The following TXNDC11 variants were observed in gnomAD, a reference collection of about 807,000 sequenced individuals.
TXNDC11 encodes the protein thioredoxin domain-containing protein 11.
TXNDC11 carries 68 observed loss-of-function variants against 78.0 expected under a neutral mutation model. That is an observed-to-expected ratio of 0.87 (90% confidence interval 0.72 to 1.07). The LOEUF (loss-of-function observed/expected upper bound fraction) is 1.07, where lower values mean the gene tolerates loss of function less well. Among genes scored for constraint, TXNDC11 ranks in the 50% least tolerant of loss-of-function variants. The pLI is 0.00. For synonymous variants in TXNDC11, 571 were observed against 495.2 expected (o/e 1.15, Z -2.03); for missense variants, 1,389 against 1,221.8 (o/e 1.14, Z -2.04).
At chr16:11,729,297 C>T (rs368436768) in intron 4 of TXNDC11, among the ~76,000 whole-genome samples, 204 of 152,312 alleles carry the variant, frequency 1.3e-3, no homozygotes, top group African/African-American at 4.6e-3. Context: ...CCCTCACCCA[C>T]CAGCCTGCCC....
chr16:11,700,852 T>C (rs2050993855), intron 5 of TXNDC11, among the ~76,000 whole-genome samples: 4 of 152,198 alleles, frequency 2.6e-5, no homozygotes, highest in East Asian at 1.9e-4. Context: ...CCTGTCCCCA[T>C]TGATGACAGG....
intron 11 of TXNDC11, 130 bp downstream of exon 11, chr16:11,684,035 G>C (rs1052453539): frequency 3.3e-6 from 2 of 611,816 alleles, no homozygotes; most frequent in Non-Finnish European, 5.9e-6. Context: ...ACAGGCATGA[G>C]CCACCACGCC....
At chr16:11,707,039 T>C (rs947089216) in intron 5 of TXNDC11, among the ~76,000 whole-genome samples, 4 of 152,186 alleles carry the variant, frequency 2.6e-5, no homozygotes, top group Non-Finnish European at 5.9e-5. Flanking sequence ...TCTGGTATAT[T>C]TGGGGATCCT....
At chr16:11,703,323 G>A (rs1361836246) in intron 5 of TXNDC11, among the ~76,000 whole-genome samples, 1 of 152,140 alleles carries the variant, frequency 6.6e-6, no homozygotes, top group Non-Finnish European at 1.5e-5. Context: ...TCTTAAAGAG[G>A]TATAAGTTAG....
chr16:11,739,477 G>A (rs1359604876), intron 1 of TXNDC11, among the ~76,000 whole-genome samples: 2 of 152,150 alleles, frequency 1.3e-5, no homozygotes, highest in Non-Finnish European at 2.9e-5. Context: ...GCTGCAGCAT[G>A]CCATAATTGC....
At chr16:11,713,265 A>C (rs1219098216) in intron 5 of TXNDC11, among the ~76,000 whole-genome samples, 1 of 148,110 alleles carries the variant, frequency 6.8e-6, no homozygotes, top group African/African-American at 2.5e-5. Flanking sequence ...CTGGGCACAG[A>C]GTGAGACTCT....
chr16:11,705,930 G>A (rs892623043), intron 5 of TXNDC11, among the ~76,000 whole-genome samples: 9 of 152,026 alleles, frequency 5.9e-5, no homozygotes, highest in African/African-American at 9.7e-5. Flanking sequence ...AGAGCTCCAG[G>A]GCTTTCTACG....
chr16:11,738,185 TAA>T (rs1421871491), intron 1 of TXNDC11, among the ~76,000 whole-genome samples: 7 of 152,196 alleles, frequency 4.6e-5, no homozygotes, highest in Non-Finnish European at 8.8e-5. Flanking sequence ...AAAAAAGTGC[TAA>T]AGAGTACATG....
intron 5 of TXNDC11, among the ~76,000 whole-genome samples, chr16:11,713,712 G>A (rs566045293): frequency 3.3e-5 from 5 of 152,152 alleles, no homozygotes; most frequent in Non-Finnish European, 7.4e-5. Flanking sequence ...CACAGCGCCC[G>A]GCCCAAAGTA....
At chr16:11,696,556 A>G (rs1467698133) in intron 7 of TXNDC11, among the ~76,000 whole-genome samples, 1 of 152,214 alleles carries the variant, frequency 6.6e-6, no homozygotes, top group African/African-American at 2.4e-5. Context: ...ACAAAAAGGG[A>G]AATGTGCTGG....
intron 11 of TXNDC11, among the ~76,000 whole-genome samples, chr16:11,681,828 C>T (rs1039744273): frequency 4.6e-5 from 7 of 152,258 alleles, no homozygotes; most frequent in Non-Finnish European, 1.0e-4. Flanking sequence ...CTCAAGGCCC[C>T]ACCCCTTCCT....
At chr16:11,685,011 G>A (rs1018126102) in intron 10 of TXNDC11, among the ~76,000 whole-genome samples, 1 of 152,258 alleles carries the variant, frequency 6.6e-6, no homozygotes, top group Non-Finnish European at 1.5e-5. Context: ...ACTGGGGGGA[G>A]TGAGGGTGCG....
Position 11,742,497 on chromosome 16 carries a change from G to A in TXNDC11, c.234C>T (p.Leu78=), listed in dbSNP as rs186538335. Residue 78 remains leucine, a synonymous_variant, in exon 1 of 12, where the codon CTC becomes CTT. Transcript: ENST00000283033. ...CTCACCTGCAGGTGAACTTGAGGGC[G>A]AGGAGCAGCGCGCAGCCGAGCGCCA... The part of the protein sequence containing the change: ...GAVALGCALL[L]ALKFTCSRAK... 1.4e-3 allele frequency: 2,001 copies of A among 1,452,872 alleles called. 19 individuals carry two copies. The highest frequency in any genetic ancestry group is 7.9e-4 in the Non-Finnish European group (873 of 1,111,010). 90.0% of individuals were successfully genotyped at this position (1,452,872 alleles called of 1,614,324 possible).
chr16:11,742,470 G>A lies in TXNDC11; in HGVS notation c.254+7C>T, dbSNP rs1432391464. 2 of 1,424,764 alleles carry A rather than the reference G, an allele frequency of 1.4e-6. No individual in the cohort carries two copies. The highest frequency in any genetic ancestry group is 9.1e-7 in the Non-Finnish European group (1 of 1,096,566). The allele number at this position is 1,424,764 out of a possible 1,614,324, so 88.3% of individuals were successfully genotyped here. A position where few individuals can be genotyped will look rare whatever the true frequency, so the allele number is the denominator to read the frequency against. On this transcript the variant is annotated splice_region_variant and intron_variant, in intron 1 of 11. Coordinates refer to ENST00000283033, the MANE Select transcript of TXNDC11 (RefSeq NM_015914.7). ...CTAGCGGGGCCCCAGGGTCCGGGCC[G>A]CCTCACCTGCAGGTGAACTTGAGGG...
In TXNDC11 at chr16:11,742,465, G is replaced by T; in HGVS notation, c.254+12C>A. On this transcript the variant is annotated intron_variant, in intron 1 of 11. Transcript: ENST00000283033. Reference sequence around the variant, plus strand: ...GCGCCCTAGCGGGGCCCCAGGGTCCGGGCCGCCTCACCTGCAGGTGAACTT... The same window carrying T: ...GCGCCCTAGCGGGGCCCCAGGGTCCTGGCCGCCTCACCTGCAGGTGAACTT... The T allele has an allele frequency of 7.1e-7, 1 of 1,414,560 alleles. No homozygotes were observed. Among genetic ancestry groups the T allele is most frequent in the Non-Finnish European group, 9.2e-7 (1 of 1,091,964 alleles). 87.6% of individuals were successfully genotyped at this position (1,414,560 alleles called of 1,614,324 possible). A position where few individuals can be genotyped will look rare whatever the true frequency, so the allele number is the denominator to read the frequency against.
rs180925950 is a variant in TXNDC11, at chr16:11,727,670, C to G, written c.699+2975G>C. Reference sequence around the variant, plus strand: ...AGCTATAATTTCCACCCGCCCCCCCCACCCCACCATAACCTTCCACCATTC... The same window carrying G: ...AGCTATAATTTCCACCCGCCCCCCCGACCCCACCATAACCTTCCACCATTC... On this transcript the variant is annotated intron_variant, in intron 4 of 11. Transcript: ENST00000283033. Among the ~76,000 whole-genome samples the G allele has an allele frequency of 4.0e-5, 6 of 150,708 alleles. No individual in the cohort carries two copies. The South Asian group carries it at 8.5e-4, about 21-fold the overall frequency.
At position 11,691,641 on chromosome 16, in the gene TXNDC11, A is replaced by C. The variant is rs1214937670; in HGVS notation, c.1549T>G (p.Ser517Ala). 6.2e-7 allele frequency: 1 copy of C among 1,614,212 alleles called. No individual in the cohort carries two copies. The highest frequency in any genetic ancestry group is 1.1e-5 in the South Asian group (1 of 91,084). The change falls in exon 8 of 12, where the codon TCA becomes GCA. Residue 517 changes from serine to alanine, a missense_variant. Ser to Ala is a moderately conservative substitution (Grantham distance 99). Transcript: ENST00000283033. Reference protein sequence around the residue: ...ACCRTISRGVSGFIDSEQGVF... With the variant: ...ACCRTISRGVAGFIDSEQGVF... ...CCTTGTTCAGAGTCGATGAAGCCTG[A>C]CACACCCCTGCTTATGGTCCTGCAA...
At chr16:11,682,368 T>C (rs1011759008) in intron 11 of TXNDC11, among the ~76,000 whole-genome samples, 7 of 152,212 alleles carry the variant, frequency 4.6e-5, no homozygotes, top group African/African-American at 1.7e-4. Flanking sequence ...TTATGTTCGA[T>C]ATTTAGAAAC....
chr16:11,742,429 G>C, intron 1 of TXNDC11, 48 bp downstream of exon 1: 2 of 1,343,364 alleles, frequency 1.5e-6, no homozygotes, highest in Non-Finnish European at 1.9e-6. Flanking sequence ...CCAGGCGGCA[G>C]AGCAAGGGGA....
Sources: gnomAD v4.1 joint callset for allele counts (sites outside exome capture counted in the v4.1 genomes callset) on GRCh38, gnomAD v4.1.1 for gene constraint, MANE v1.5 for transcripts, NCBI Gene and HGNC (gene_info 2026-07-23, HGNC 2026-07-21) for gene names.